The following RIN2 variants were observed in gnomAD, a reference collection of about 807,000 sequenced individuals.
RIN2 encodes the protein RAB5 interacting protein 2.
RIN2 carries 36 observed loss-of-function variants against 78.0 expected under a neutral mutation model. The ratio of observed to expected loss-of-function variants is 0.46; its 90% CI spans 0.35 to 0.61. The LOEUF (loss-of-function observed/expected upper bound fraction) is 0.61. RIN2 is among the 20% of genes least tolerant of loss of function. The pLI, the probability that RIN2 is intolerant of heterozygous loss-of-function variation, is 0.00. For synonymous variants in RIN2, 466 were observed against 466.8 expected (o/e 1.00, Z 0.02); for missense variants, 1,087 against 1,159.7 (o/e 0.94, Z 0.91).
intron 3 of RIN2, among the ~76,000 whole-genome samples, chr20:19,905,541 A>G (rs185991448): frequency 5.3e-4 from 80 of 152,262 alleles, no homozygotes; most frequent in Non-Finnish European, 1.1e-3. Flanking sequence ...TGGTCAACAC[A>G]GTGAGACCCC....
chr20:19,950,301 T>C (rs2041261898), intron 4 of RIN2, among the ~76,000 whole-genome samples: 1 of 152,196 alleles, frequency 6.6e-6, no homozygotes, highest in African/African-American at 2.4e-5. Flanking sequence ...TATCTGTACC[T>C]AAGTTTTATC....
Position 19,942,731 on chromosome 20 carries a change from A to T in RIN2, c.158+7532A>T, listed in dbSNP as rs144658814. ...CATCCTAGAAATGCAGTTTCCTAGAAATTGATTCTGTTTTTGTTGACGGGT... is the reference window on the plus strand; with the variant it reads ...CATCCTAGAAATGCAGTTTCCTAGATATTGATTCTGTTTTTGTTGACGGGT... On this transcript the variant is annotated intron_variant, in intron 4 of 12. Coordinates refer to ENST00000255006, the MANE Select transcript of RIN2 (RefSeq NM_018993.4). 1.6e-4 allele frequency among the ~76,000 whole-genome samples: 24 copies of T among 152,284 alleles called. No homozygotes were observed. The East Asian group carries it at 2.9e-3, about 18-fold the overall frequency.
chr20:19,895,326 A>AG (rs2038671512), intron 3 of RIN2, among the ~76,000 whole-genome samples: 1 of 152,200 alleles, frequency 6.6e-6, no homozygotes, highest in Non-Finnish European at 1.5e-5. Flanking sequence ...CTTATAGCAA[A>AG]GAATGGTGCC....
chr20:19,839,697 AC>A (rs1422392221), intron 2 of RIN2, among the ~76,000 whole-genome samples: 7 of 151,804 alleles, frequency 4.6e-5, no homozygotes, highest in African/African-American at 1.2e-4. Flanking sequence ...CACCTTTGCA[AC>A]CCTGTACCCC....
chr20:19,951,975 T>A (rs1259234085), intron 4 of RIN2, among the ~76,000 whole-genome samples: 1 of 152,196 alleles, frequency 6.6e-6, no homozygotes, highest in Non-Finnish European at 1.5e-5. Flanking sequence ...AGTTCTGTCA[T>A]AGGTTGAGTT....
At chr20:19,863,612 ATCC>A (rs2037411633) in intron 2 of RIN2, among the ~76,000 whole-genome samples, 1 of 152,140 alleles carries the variant, frequency 6.6e-6, no homozygotes, top group Admixed American at 6.5e-5. Flanking sequence ...CTTGAAAATC[ATCC>A]TCCTCTTTCC....
intron 2 of RIN2, among the ~76,000 whole-genome samples, chr20:19,844,981 G>C (rs1031013756): frequency 6.6e-6 from 1 of 151,928 alleles, no homozygotes; most frequent in Admixed American, 6.6e-5. Flanking sequence ...AGAACATCTG[G>C]TGCTTGGTTT....
rs773174079 is a variant in RIN2 at position 19,975,497 on chromosome 20, A to G, written c.1472A>G (p.Lys491Arg). Reference sequence around the variant, plus strand: ...AGGAGCAGCTCCTTCGTGCTGCCCAAGCTCGTCAAGTCCCAGCTGCAGAAG... The same window carrying G: ...AGGAGCAGCTCCTTCGTGCTGCCCAGGCTCGTCAAGTCCCAGCTGCAGAAG... ...KKRSSSFVLPKLVKSQLQKVS... is the reference protein window; with the variant it reads ...KKRSSSFVLPRLVKSQLQKVS... The change falls in exon 9 of 13, where the codon AAG (lysine) becomes AGG (arginine). Residue 491 changes from lysine (K) to arginine (R), a missense_variant. Lys to Arg is a conservative substitution (Grantham distance 26, BLOSUM62 2). This residue lies in a region of RIN2 where 706 missense variants were observed against 667.5 expected (regional missense o/e 1.06). Transcript: ENST00000255006. The surrounding 1 kb of genome is among the most constrained non-coding windows in gnomAD (Gnocchi z 4.9). The G allele has an allele frequency of 5.7e-5, 92 of 1,613,936 alleles. 2 individuals carry two copies. The Middle Eastern group carries it at 6.6e-4, about 12-fold the overall frequency.
At chr20:19,775,869 C>T (rs969984776) in intron 1 of RIN2, among the ~76,000 whole-genome samples, 1 of 152,246 alleles carries the variant, frequency 6.6e-6, no homozygotes, top group Non-Finnish European at 1.5e-5. Flanking sequence ...GGAGCCTCAC[C>T]CTCCACAGGC....
intron 1 of RIN2, among the ~76,000 whole-genome samples, chr20:19,771,377 G>A (rs1231500669): frequency 1.3e-5 from 2 of 152,170 alleles, no homozygotes; most frequent in African/African-American, 4.8e-5. Context: ...TTAAAGACCA[G>A]GTATATGTTT....
Position 19,763,802 on chromosome 20 carries a change from A to G in RIN2, c.-163+5475A>G, listed in dbSNP as rs777744514. Among the ~76,000 whole-genome samples the G allele has an allele frequency of 6.0e-4, 92 of 152,214 alleles. 1 individual carries two copies. The highest frequency in any genetic ancestry group is 4.6e-4 in the Admixed American group (7 of 15,278). On this transcript the variant is annotated intron_variant, in intron 1 of 12. Coordinates refer to ENST00000255006, the MANE Select transcript of RIN2 (RefSeq NM_018993.4). ...GATTCAGTTTGATGTAGGAATGGTT[A>G]TAAAGGTATGCTGGTTTGTTTTAAA...
intron 3 of RIN2, among the ~76,000 whole-genome samples, chr20:19,927,472 T>TG (rs2040269526): frequency 6.6e-6 from 1 of 152,132 alleles, no homozygotes; most frequent in African/African-American, 2.4e-5. Context: ...TAGAGTGCAG[T>TG]GGCGTGATCT....
At chr20:19,870,406 G>A (rs1236273470) in intron 2 of RIN2, among the ~76,000 whole-genome samples, 1 of 152,136 alleles carries the variant, frequency 6.6e-6, no homozygotes, top group Non-Finnish European at 1.5e-5. Context: ...CAACACTTTG[G>A]GAGGCCAAGG....
chr20:19,768,112 C>T (rs1232671235), intron 1 of RIN2, among the ~76,000 whole-genome samples: 1 of 152,022 alleles, frequency 6.6e-6, no homozygotes, highest in Non-Finnish European at 1.5e-5. Flanking sequence ...TGGAGAAAGT[C>T]TGTGAGGGAA....
chr20:19,892,285 C>T (rs1444765557), intron 3 of RIN2, among the ~76,000 whole-genome samples: 1 of 152,120 alleles, frequency 6.6e-6, no homozygotes, highest in Non-Finnish European at 1.5e-5. Flanking sequence ...GGTGCGATCT[C>T]GGCTCACTGC....
At chr20:19,984,081 CA>C (rs2146358790) in intron 9 of RIN2, among the ~76,000 whole-genome samples, 1 of 149,354 alleles carries the variant, frequency 6.7e-6, no homozygotes, top group Non-Finnish European at 1.5e-5. Flanking sequence ...TCATTCTGAG[CA>C]AACTATCGCA....
chr20:19,886,490 G>A (rs558332961), intron 2 of RIN2: 12 of 532,694 alleles, frequency 2.3e-5, no homozygotes, highest in African/African-American at 7.8e-5. Context: ...GTCCATTAGC[G>A]CCGACCAACG....
chr20:19,763,679 T>TTCCA (rs1299383409), intron 1 of RIN2, among the ~76,000 whole-genome samples: 1 of 152,236 alleles, frequency 6.6e-6, no homozygotes, highest in African/African-American at 2.4e-5. Context: ...GCTGTGGGTA[T>TTCCA]TCCAGCCTGT....
chr20:19,902,027 A>C (rs1225097724), intron 3 of RIN2, among the ~76,000 whole-genome samples: 3 of 147,316 alleles, frequency 2.0e-5, no homozygotes, highest in Middle Eastern at 3.5e-3. Flanking sequence ...AAAAAAAAAA[A>C]AAAAAAAAAA....
Sources: gnomAD v4.1 joint callset for allele counts (sites outside exome capture counted in the v4.1 genomes callset) on GRCh38, gnomAD v4.1.1 for gene constraint, gnomAD v4.1.1 regional missense constraint, Gnocchi (gnomAD v3.1) non-coding constraint, MANE v1.5 for transcripts, NCBI Gene and HGNC (gene_info 2026-07-23, HGNC 2026-07-21) for gene names.